DACH1: variants seen among roughly 807,000 people sequenced by gnomAD.
The protein encoded by DACH1 is dachshund family transcription factor 1, also known as dachshund homolog 1.
In DACH1, 12 loss-of-function variants were observed where a neutral mutation model predicts 54.2. The ratio of observed to expected loss-of-function variants is 0.22; its 90% CI spans 0.14 to 0.36. The LOEUF is 0.36. Ranked by LOEUF, DACH1 falls within the 10% of genes least tolerant of loss-of-function variation. The pLI, the probability that DACH1 is intolerant of heterozygous loss-of-function variation, is 1.00. For synonymous variants in DACH1, 386 were observed against 366.2 expected (o/e 1.05, Z -0.62); for missense variants, 805 against 929.8 (o/e 0.87, Z 1.75).
chr13:71,678,664 T>G (rs1187897731), intron 2 of DACH1, among the ~76,000 whole-genome samples: 2 of 151,864 alleles, frequency 1.3e-5, no homozygotes, highest in Non-Finnish European at 2.9e-5. Context: ...CCTTCTTTCT[T>G]TTTTTTCTTT....
intron 1 of DACH1, among the ~76,000 whole-genome samples, chr13:71,827,922 A>G (rs1888441383): frequency 6.6e-6 from 1 of 152,184 alleles, no homozygotes; most frequent in Non-Finnish European, 1.5e-5. Flanking sequence ...GTAGTGGACA[A>G]TAACAAAGAA....
rs1393046163 is a variant in DACH1 at position 71,866,424 on chromosome 13, C to T, written c.346G>A (p.Gly116Ser). The change falls in exon 1 of 11, where the codon GGC becomes AGC. Residue 116 changes from glycine (G) to serine (S), a missense_variant. Physicochemically the swap from Gly to Ser is moderately conservative, Grantham distance 56 (BLOSUM62 0). Transcript: ENST00000613252. ...PNLAAASNGS[G>S]GGGGGISAGG... ...GCGCTGATGCCGCCGCCGCCGCCGC[C>T]GCTGCCGTTGCTCGCGGCCGCCAGG... 9 of 1,400,944 alleles carry T rather than the reference C, an allele frequency of 6.4e-6. No individual in the cohort carries two copies. The highest frequency in any genetic ancestry group is 4.3e-5 in the South Asian group (3 of 69,684). The allele number at this position is 1,400,944 out of a possible 1,614,324, so 86.8% of individuals were successfully genotyped here.
intron 3 of DACH1, chr13:71,573,339 T>C (rs977421602): frequency 4.4e-6 from 3 of 686,826 alleles, no homozygotes; most frequent in East Asian, 2.7e-5. Context: ...TATATCTCTT[T>C]ATTATGTCCT....
intron 1 of DACH1, among the ~76,000 whole-genome samples, chr13:71,709,714 G>A (rs1237805066): frequency 6.6e-6 from 1 of 152,112 alleles, no homozygotes; most frequent in East Asian, 1.9e-4. Flanking sequence ...TTATAAGTAT[G>A]CACATATAGA....
chr13:71,484,934 G>GGAGGCTACTCCCAGCTACTCAGGAGGCT (rs1878355509), intron 7 of DACH1, among the ~76,000 whole-genome samples: 1 of 151,894 alleles, frequency 6.6e-6, no homozygotes, highest in Non-Finnish European at 1.5e-5. Context: ...TTTGGTGGTG[G>GGAGGCTACTCCCAGCTACTCAGGAGGCT]GAGGCTACTC....
chr13:71,757,045 A>G (rs1032304774), intron 1 of DACH1, among the ~76,000 whole-genome samples: 1 of 152,214 alleles, frequency 6.6e-6, no homozygotes, highest in African/African-American at 2.4e-5. Context: ...CATGAGAAAT[A>G]TGTATTAAAA....
intron 3 of DACH1, among the ~76,000 whole-genome samples, chr13:71,585,902 A>C (rs1025688119): frequency 6.6e-6 from 1 of 152,090 alleles, no homozygotes; most frequent in African/African-American, 2.4e-5. Flanking sequence ...AAATTGATAA[A>C]ATAGAAAAAA....
chr13:71,598,580 T>A (rs1874279447), intron 3 of DACH1, among the ~76,000 whole-genome samples: 1 of 152,094 alleles, frequency 6.6e-6, no homozygotes, highest in Non-Finnish European at 1.5e-5. Flanking sequence ...TTCTATACAC[T>A]CTTTTGTGAT....
chr13:71,574,802 GT>G (rs572535868), intron 3 of DACH1, among the ~76,000 whole-genome samples: 22 of 152,096 alleles, frequency 1.4e-4, no homozygotes, highest in African/African-American at 5.3e-4. Flanking sequence ...TTAAAAAAAA[GT>G]TTATAGCTTC....
chr13:71,614,710 C>T (rs965213816), intron 3 of DACH1, among the ~76,000 whole-genome samples: 1 of 151,876 alleles, frequency 6.6e-6, no homozygotes, highest in Non-Finnish European at 1.5e-5. Flanking sequence ...AAACATTAGC[C>T]AGGTGTGATG....
chr13:71,558,579 T>C (rs1002854587), intron 5 of DACH1, among the ~76,000 whole-genome samples: 1 of 151,948 alleles, frequency 6.6e-6, no homozygotes, highest in African/African-American at 2.4e-5. Flanking sequence ...TATCTTATAA[T>C]GAAACCAATA....
intron 6 of DACH1, among the ~76,000 whole-genome samples, chr13:71,500,596 T>C (rs1355344447): frequency 6.6e-6 from 1 of 152,194 alleles, no homozygotes. Context: ...TCTTCATTTT[T>C]CAGATGAAAC....
At chr13:71,601,693 AGT>A (rs1874507012) in intron 3 of DACH1, among the ~76,000 whole-genome samples, 1 of 152,028 alleles carries the variant, frequency 6.6e-6, no homozygotes, top group Non-Finnish European at 1.5e-5. Flanking sequence ...AGTAAATGTC[AGT>A]ACTCTATTAT....
intron 10 of DACH1, among the ~76,000 whole-genome samples, chr13:71,470,839 C>T (rs971262727): frequency 6.6e-6 from 1 of 152,184 alleles, no homozygotes; most frequent in Non-Finnish European, 1.5e-5. Flanking sequence ...GTGAACAAAA[C>T]ATGCATGGTT....
chr13:71,533,349 A>G (rs572016872), intron 6 of DACH1, among the ~76,000 whole-genome samples: 147 of 152,132 alleles, frequency 9.7e-4, no homozygotes, highest in African/African-American at 3.4e-3. Flanking sequence ...TTCAATCTAA[A>G]GATCAGCATG....
chr13:71,751,988 G>A (rs1424863700), intron 1 of DACH1, among the ~76,000 whole-genome samples: 2 of 152,092 alleles, frequency 1.3e-5, no homozygotes, highest in Non-Finnish European at 2.9e-5. Context: ...TCTTGATTCT[G>A]TGAGTCCCTT....
At chr13:71,556,925 T>A in intron 6 of DACH1, 99 bp downstream of exon 6, 2 of 1,247,984 alleles carry the variant, frequency 1.6e-6, no homozygotes, top group Non-Finnish European at 2.2e-6. Flanking sequence ...ATATGCTTTT[T>A]TTTTACATGA....
At chr13:71,552,832 TATATATATATAGAGAGAGAGAGAGAGAG>T (rs1883946498) in intron 6 of DACH1, among the ~76,000 whole-genome samples, 1 of 38,822 alleles carries the variant, frequency 2.6e-5, no homozygotes, top group African/African-American at 1.1e-4. Context: ...TATATATATA[TATATATATATAGAGAGAGAGAGAGAGAG>T]AGAGAGAGAG....
At chr13:71,491,419 CCTGCAG>C (rs1300065287) in intron 6 of DACH1, among the ~76,000 whole-genome samples, 3 of 152,000 alleles carry the variant, frequency 2.0e-5, no homozygotes, top group African/African-American at 7.2e-5. Flanking sequence ...CACATTTTTT[CCTGCAG>C]CTGTTTTAAT....
Sources: gnomAD v4.1 joint callset for allele counts (sites outside exome capture counted in the v4.1 genomes callset) on GRCh38, gnomAD v4.1.1 for gene constraint, MANE v1.5 for transcripts, NCBI Gene and HGNC (gene_info 2026-07-23, HGNC 2026-07-21) for gene names.